Variants in U2SURP observed in about 807,000 individuals in gnomAD.
U2SURP encodes the protein U2 snRNP-associated SURP motif-containing protein.
U2SURP carries 9 observed loss-of-function variants against 144.9 expected under a neutral mutation model. The observed-to-expected ratio is 0.06, with a 90% CI of 0.04 to 0.11. U2SURP has a LOEUF of 0.11. Among genes scored for constraint, U2SURP ranks in the 10% least tolerant of loss-of-function variants. U2SURP has a pLI of 1.00. For synonymous variants in U2SURP, 408 were observed against 396.8 expected, an observed-to-expected ratio of 1.03 and a Z score of -0.33; for missense variants, 724 against 1,226.7, an observed-to-expected ratio of 0.59 and a Z score of 6.12.
chr3:143,020,347 T>G (rs1428658178), intron 7 of U2SURP, among the ~76,000 whole-genome samples: 1 of 152,122 alleles, frequency 6.6e-6, no homozygotes, highest in Admixed American at 6.5e-5. Flanking sequence ...AAGAAACAAA[T>G]TCAGTGGTTT....
chr3:143,033,420 T>C (rs937461567), intron 18 of U2SURP, 70 bp downstream of exon 18: 37 of 850,330 alleles, frequency 4.4e-5, no homozygotes, highest in Non-Finnish European at 5.9e-5. Flanking sequence ...GAAAAGAGGA[T>C]TGTTTTGTTA....
At chr3:143,007,368 C>G (rs62276900) in intron 1 of U2SURP, among the ~76,000 whole-genome samples, 2 of 151,716 alleles carry the variant, frequency 1.3e-5, no homozygotes, top group African/African-American at 2.4e-5. Flanking sequence ...AGCAGTCGTC[C>G]CACCTCAGCC....
At position 143,034,906 on chromosome 3, in the gene U2SURP, T is replaced by C; in HGVS notation, c.1872T>C (p.Cys624=). The part of the protein sequence containing the change: ...YYRKFFETKL[C]QIFSDLNATY... ...ATTTCAGTTTTGAAACAAAGTTATG[T>C]CAGATATTTTCAGACCTCAATGCCA... Residue 624 remains cysteine, a synonymous_variant, in exon 19 of 28, where the codon TGT becomes TGC. Coordinates refer to ENST00000473835, the MANE Select transcript of U2SURP (RefSeq NM_001080415.2). 1.2e-6 allele frequency: 2 copies of C among 1,601,728 alleles called. No homozygotes were observed. The highest frequency in any genetic ancestry group is 1.1e-5 in the South Asian group (1 of 89,242).
intron 27 of U2SURP, 132 bp from the exon 28 acceptor site, chr3:143,056,180 T>G: frequency 1.1e-6 from 1 of 899,496 alleles, no homozygotes; most frequent in East Asian, 2.7e-5. Flanking sequence ...GTTTAAATTT[T>G]AGAAGTTCAT....
At chr3:143,016,433 CCAT>C in intron 5 of U2SURP, 62 bp downstream of exon 5, 1 of 1,445,490 alleles carries the variant, frequency 6.9e-7, no homozygotes, top group Non-Finnish European at 9.5e-7. Flanking sequence ...TGAGCGAGCC[CCAT>C]CTTGGTTGAA....
intron 13 of U2SURP, 108 bp downstream of exon 13, chr3:143,024,126 T>C: frequency 9.7e-7 from 1 of 1,026,262 alleles, no homozygotes; most frequent in Non-Finnish European, 1.5e-6. Flanking sequence ...TGAGCAATGG[T>C]TCCTTCCCAG....
At chr3:143,008,877 T>G (rs1413904359) in intron 1 of U2SURP, among the ~76,000 whole-genome samples, 2 of 152,234 alleles carry the variant, frequency 1.3e-5, no homozygotes, top group Non-Finnish European at 1.5e-5. Context: ...ACCATTCTCC[T>G]GCCTCAGCGA....
intron 1 of U2SURP, among the ~76,000 whole-genome samples, chr3:143,005,141 CTT>C (rs71153997): frequency 2.2e-5 from 3 of 136,914 alleles, no homozygotes; most frequent in East Asian, 2.1e-4. Context: ...GTGACTATGG[CTT>C]TTTTTTTTTT....
At chr3:143,013,680 A>G (rs562868256) in intron 3 of U2SURP, among the ~76,000 whole-genome samples, 28 of 152,248 alleles carry the variant, frequency 1.8e-4, no homozygotes, top group Admixed American at 7.8e-4. Flanking sequence ...CTTCTAAGTT[A>G]CATAAATGAA....
chr3:143,054,179 CT>C (rs1289884688), intron 26 of U2SURP, among the ~76,000 whole-genome samples: 2 of 152,166 alleles, frequency 1.3e-5, no homozygotes, highest in African/African-American at 2.4e-5. Flanking sequence ...GAGTCTTAGT[CT>C]TATCTTGAAA....
chr3:143,006,363 T>C (rs1935832313), intron 1 of U2SURP, among the ~76,000 whole-genome samples: 1 of 152,162 alleles, frequency 6.6e-6, no homozygotes, highest in African/African-American at 2.4e-5. Flanking sequence ...TTTTGTTTGG[T>C]GGTAGGCACT....
chr3:143,003,195 T>G (rs1262499139), intron 1 of U2SURP, among the ~76,000 whole-genome samples: 1 of 152,376 alleles, frequency 6.6e-6, no homozygotes, highest in East Asian at 1.9e-4. Context: ...AATAAATTAT[T>G]GGATTATCCA....
At chr3:143,041,694 GATT>G (rs1560198773) in intron 23 of U2SURP, among the ~76,000 whole-genome samples, 1 of 151,854 alleles carries the variant, frequency 6.6e-6, no homozygotes, top group Non-Finnish European at 1.5e-5. Flanking sequence ...GAAAGAATTT[GATT>G]ATAACTTTTT....
chr3:143,056,527 CAAAA>C lies in U2SURP; in HGVS notation c.*80_*83del. The C allele has an allele frequency of 2.6e-6, 4 of 1,530,558 alleles. No homozygotes were observed. Among genetic ancestry groups the C allele is most frequent in the South Asian group, 1.3e-5 (1 of 79,274 alleles). 94.8% of individuals were successfully genotyped at this position (1,530,558 alleles called of 1,614,324 possible). On this transcript the variant is annotated 3_prime_UTR_variant, in exon 28 of 28. Coordinates refer to ENST00000473835, the MANE Select transcript of U2SURP (RefSeq NM_001080415.2). ...CTGAACGGTCTGTTTTTTAAAAAAA[CAAAA>C]AATCAAATGAAAGAGCATTCCTGGG...
At chr3:143,036,914 A>C (rs1933842749) in intron 20 of U2SURP, 5 of 409,016 alleles carry the variant, frequency 1.2e-5, no homozygotes, top group Non-Finnish European at 2.2e-5. Flanking sequence ...AACCTTTACC[A>C]GGCTCTATAA....
At chr3:143,013,399 A>G (rs946198730) in intron 3 of U2SURP, among the ~76,000 whole-genome samples, 1 of 152,058 alleles carries the variant, frequency 6.6e-6, no homozygotes, top group Non-Finnish European at 1.5e-5. Flanking sequence ...AGGGATTTTA[A>G]TATAAATTTA....
At chr3:143,044,186 A>AT (rs1934274974) in intron 24 of U2SURP, among the ~76,000 whole-genome samples, 1 of 151,924 alleles carries the variant, frequency 6.6e-6, no homozygotes, top group Non-Finnish European at 1.5e-5. Flanking sequence ...GAGAATAGAC[A>AT]TTGAGTGGGT....
Position 143,050,981 on chromosome 3 carries a change from A to C in U2SURP, c.2587A>C (p.Arg863=). 2 of 1,613,200 alleles carry C rather than the reference A, an allele frequency of 1.2e-6. No individual in the cohort carries two copies. Among genetic ancestry groups the C allele is most frequent in the Non-Finnish European group, 1.7e-6 (2 of 1,179,502 alleles). The part of the protein sequence containing the change: ...KFQDELESGK[R]PKKPGQSFQE... ...TCAGGATGAATTGGAATCTGGGAAA[A>C]GACCTAAAAAACCAGGCCAGAGTTT... is the stretch of plus-strand genomic sequence containing the variant. The change falls in exon 25 of 28, where the codon AGA becomes CGA. Residue 863 remains arginine, a synonymous_variant. Transcript: ENST00000473835.
intron 1 of U2SURP, among the ~76,000 whole-genome samples, chr3:143,006,642 T>C (rs1037119363): frequency 7.2e-5 from 11 of 152,054 alleles, no homozygotes; most frequent in Non-Finnish European, 1.5e-4. Context: ...CTCGGGAGGC[T>C]GAGGCAGGAG....
Sources: allele counts gnomAD v4.1 joint callset (sites outside exome capture counted in the v4.1 genomes callset), GRCh38; gene constraint gnomAD v4.1.1; transcripts MANE v1.5; gene names NCBI Gene and HGNC (gene_info 2026-07-23, HGNC 2026-07-21).